CDON: variants seen among roughly 807,000 people sequenced by gnomAD.
The protein encoded by CDON is cell adhesion associated, oncogene regulated, also known as cell adhesion molecule-related/down-regulated by oncogenes.
Under a neutral mutation model 120.9 loss-of-function variants are expected in CDON, and 73 were observed. The ratio of observed to expected loss-of-function variants is 0.60; its 90% CI spans 0.50 to 0.73. The LOEUF is 0.73. Among genes scored for constraint, CDON ranks in the 30% least tolerant of loss-of-function variants. The pLI, the probability that CDON is intolerant of heterozygous loss-of-function variation, is 0.00. For synonymous variants in CDON, 566 were observed against 573.5 expected (o/e 0.99, Z 0.19); for missense variants, 1,470 against 1,587.3 (o/e 0.93, Z 1.26).
At chr11:126,018,642 C>T (rs926450783) in intron 4 of CDON, among the ~76,000 whole-genome samples, 169 bp from the exon 5 acceptor site, 1 of 152,076 alleles carries the variant, frequency 6.6e-6, no homozygotes, top group Non-Finnish European at 1.5e-5. Flanking sequence ...AAGCATGGCT[C>T]GCTACAGCCT....
intron 18 of CDON, among the ~76,000 whole-genome samples, chr11:125,968,775 A>ACTGGCCGGGCGCGGTGG (rs1416173416): frequency 6.6e-6 from 1 of 152,212 alleles, no homozygotes; most frequent in African/African-American, 2.4e-5. Context: ...TTTCTAGTAC[A>ACTGGCCGGGCGCGGTGG]CTGAATCTTA....
chr11:126,024,567 G>C (rs1426075984), intron 1 of CDON, among the ~76,000 whole-genome samples: 1 of 151,204 alleles, frequency 6.6e-6, no homozygotes, highest in African/African-American at 2.4e-5. Flanking sequence ...GGGAAGACTA[G>C]AGGAGAGACA....
intron 18 of CDON, among the ~76,000 whole-genome samples, chr11:125,975,194 T>C (rs1023374365): frequency 3.3e-5 from 5 of 152,378 alleles, no homozygotes; most frequent in East Asian, 1.9e-4. Flanking sequence ...CTTGTATACA[T>C]AGACATTACA....
At chr11:126,009,039 C>T (rs893749392) in intron 8 of CDON, among the ~76,000 whole-genome samples, 13 of 152,202 alleles carry the variant, frequency 8.5e-5, no homozygotes, top group African/African-American at 3.1e-4. Context: ...GGCACCTTCA[C>T]TATACCTGTT....
chr11:126,027,663 T>C (rs1947829326), intron 1 of CDON, among the ~76,000 whole-genome samples: 1 of 152,206 alleles, frequency 6.6e-6, no homozygotes, highest in South Asian at 2.1e-4. Context: ...TAAGTCATTT[T>C]TCTCACCTAC....
At chr11:126,020,659 G>A (rs998334166) in intron 3 of CDON, among the ~76,000 whole-genome samples, 3 of 152,188 alleles carry the variant, frequency 2.0e-5, no homozygotes, top group Admixed American at 6.5e-5. Flanking sequence ...AGCCATCACC[G>A]TTTGAAACGC....
intron 18 of CDON, among the ~76,000 whole-genome samples, chr11:125,973,104 T>A (rs1353022942): frequency 6.7e-6 from 1 of 149,080 alleles, no homozygotes; most frequent in Non-Finnish European, 1.5e-5. Context: ...AAAATTCTTC[T>A]CTTTCTCTCC....
intron 2 of CDON, among the ~76,000 whole-genome samples, chr11:126,022,863 G>A (rs1947679916): frequency 6.6e-6 from 1 of 152,096 alleles, no homozygotes; most frequent in South Asian, 2.1e-4. Context: ...AGAAATGCAC[G>A]TGAACCATGT....
At chr11:125,972,350 C>G (rs772001558) in intron 18 of CDON, among the ~76,000 whole-genome samples, 13 of 152,128 alleles carry the variant, frequency 8.5e-5, no homozygotes, top group Non-Finnish European at 1.6e-4. Context: ...ATCGCTTGAA[C>G]CCAGGAAGCG....
intron 8 of CDON, among the ~76,000 whole-genome samples, chr11:126,009,555 C>T (rs528573614): frequency 6.6e-6 from 1 of 152,296 alleles, no homozygotes; most frequent in Non-Finnish European, 1.5e-5. Context: ...CCTGTGGGAC[C>T]ATGGCCCCAG....
At chr11:125,993,801 T>TA (rs556768214) in intron 14 of CDON, among the ~76,000 whole-genome samples, 25 of 152,138 alleles carry the variant, frequency 1.6e-4, no homozygotes, top group East Asian at 5.8e-4. Context: ...TTAAATGCAG[T>TA]AAAAAAAAGC....
Position 125,959,268 on chromosome 11 carries a change from C to T in CDON, c.*1674G>A, listed in dbSNP as rs2134325508. On this transcript the variant is annotated 3_prime_UTR_variant, in exon 20 of 20. Coordinates refer to ENST00000531738, the MANE Select transcript of CDON (RefSeq NM_001378964.1). ...TAACACAGTATTGTATTCTATTCCA[C>T]TGCGATTTCTGGGAAACTAACATTT... 1 of 152,300 alleles carries T rather than the reference C, an allele frequency of 6.6e-6. No homozygotes were observed. The highest frequency in any genetic ancestry group is 1.9e-4 in the East Asian group (1 of 5,194). The allele number at this position is 152,300 out of a possible 1,614,324, so 9.4% of individuals were successfully genotyped here.
intron 7 of CDON, among the ~76,000 whole-genome samples, chr11:126,012,320 T>G (rs1206541994): frequency 6.6e-6 from 1 of 152,182 alleles, no homozygotes; most frequent in African/African-American, 2.4e-5. Flanking sequence ...CCTATATAAC[T>G]GGCTGTGCTT....
intron 1 of CDON, among the ~76,000 whole-genome samples, chr11:126,029,555 CAT>C (rs10588981): frequency 0.63 from 94,578 of 150,626 alleles, 30,282 homozygotes; most frequent in African/African-American, 0.75. Flanking sequence ...GTCCATGTAA[CAT>C]ATATATATAT....
rs1350056772 is a variant in CDON, at chr11:126,005,692, A to G, written c.1851+67T>C. On this transcript the variant is annotated intron_variant, in intron 9 of 19. Transcript: ENST00000531738. ...CTGCCATTCTACAAATGAAAAGGCA[A>G]CAGTATATGTTATACAAAGAACGTT... 9.8e-6 allele frequency: 14 copies of G among 1,425,432 alleles called. No individual in the cohort carries two copies. In the Admixed American group the frequency reaches 2.3e-4, roughly 24 times the overall value. The allele number at this position is 1,425,432 out of a possible 1,614,324, so 88.3% of individuals were successfully genotyped here.
At chr11:125,986,227 C>T (rs1946454158) in intron 15 of CDON, among the ~76,000 whole-genome samples, 1 of 152,000 alleles carries the variant, frequency 6.6e-6, no homozygotes, top group South Asian at 2.1e-4. Context: ...TGTTCTCACT[C>T]ATAGGTGGGA....
intron 6 of CDON, 71 bp from the exon 7 acceptor site, chr11:126,015,581 A>ATTT: frequency 2.7e-6 from 4 of 1,489,278 alleles, no homozygotes; most frequent in Non-Finnish European, 3.7e-6. Flanking sequence ...TCGAGTGATA[A>ATTT]AAATCTTCTC....
intron 1 of CDON, among the ~76,000 whole-genome samples, chr11:126,039,244 A>G (rs534386537): frequency 1.2e-4 from 19 of 152,328 alleles, no homozygotes; most frequent in Non-Finnish European, 1.8e-4. Flanking sequence ...AATTGTACAT[A>G]GGTCATTTTA....
At chr11:125,970,182 T>TTTTTTTTTTTTTTTTTTTTTG (rs1945933090) in intron 18 of CDON, among the ~76,000 whole-genome samples, 1 of 147,052 alleles carries the variant, frequency 6.8e-6, no homozygotes. Flanking sequence ...GTTTTTTTTT[T>TTTTTTTTTTTTTTTTTTTTTG]TTTTTTTTTT....
Sources: gnomAD v4.1 joint callset for allele counts (sites outside exome capture counted in the v4.1 genomes callset) on GRCh38, gnomAD v4.1.1 for gene constraint, MANE v1.5 for transcripts, NCBI Gene and HGNC (gene_info 2026-07-23, HGNC 2026-07-21) for gene names.